PTGS1: variants seen among roughly 807,000 people sequenced by gnomAD.
PTGS1 encodes the protein prostaglandin G/H synthase 1.
Under a neutral mutation model 63.0 loss-of-function variants are expected in PTGS1, and 40 were observed. The observed-to-expected ratio is 0.63, with a 90% CI of 0.49 to 0.83. PTGS1 has a LOEUF of 0.83. Among genes scored for constraint, PTGS1 ranks in the 40% least tolerant of loss-of-function variants. The pLI is 0.00. For synonymous variants in PTGS1, 298 were observed against 301.9 expected (o/e 0.99, Z 0.13); for missense variants, 709 against 786.5 (o/e 0.90, Z 1.18).
chr9:122,384,199 C>T (rs10306155), intron 8 of PTGS1, among the ~76,000 whole-genome samples: 15,596 of 152,078 alleles, frequency 0.1, 1,019 homozygotes, highest in Non-Finnish European at 0.14. Flanking sequence ...ATGTATCTAC[C>T]TTCCTGCAGT....
At chr9:122,383,818 CGG>C in intron 8 of PTGS1, 63 bp downstream of exon 8, 1 of 1,569,022 alleles carries the variant, frequency 6.4e-7, no homozygotes, top group African/African-American at 1.3e-5. Flanking sequence ...AAGTTGGGGG[CGG>C]GGGGGTACTT....
Position 122,390,201 on chromosome 9 carries a change from G to T in PTGS1, c.1300G>T (p.Gly434Cys). 6.2e-7 allele frequency: 1 copy of T among 1,613,632 alleles called. No homozygotes were observed. The highest frequency in any genetic ancestry group is 1.7e-5 in the Admixed American group (1 of 59,980). Reference protein sequence around the residue: ...AFSRQIAGRIGGGRNMDHHIL... With the variant: ...AFSRQIAGRICGGRNMDHHIL... ...TGCTGTGCTTCTCTCTCGGCAGATC[G>T]GTGGGGGCAGGAACATGGACCACCA... The change falls in exon 10 of 11, where the codon GGT becomes TGT. Residue 434 changes from glycine (G) to cysteine (C), a missense_variant. Gly to Cys is a radical substitution (Grantham distance 159). Transcript: ENST00000362012.
chr9:122,378,726 G>C (rs200422444), intron 4 of PTGS1, 49 bp from the exon 5 acceptor site: 45 of 1,610,628 alleles, frequency 2.8e-5, no homozygotes, highest in Non-Finnish European at 3.6e-5. Context: ...AACTGGGATG[G>C]AGCTGGGGGT....
At chr9:122,378,373 C>T in intron 3 of PTGS1, 60 bp from the exon 4 acceptor site, 1 of 1,605,492 alleles carries the variant, frequency 6.2e-7, no homozygotes. Context: ...CATCTTCCAC[C>T]CTGGCTACTT....
rs1298722044 is a variant in PTGS1 at position 122,390,408 on chromosome 9, A to G, written c.1444+63A>G. The G allele has an allele frequency of 1.1e-5, 17 of 1,560,594 alleles. No homozygotes were observed. The Admixed American group carries it at 3.0e-4, about 28-fold the overall frequency. On this transcript the variant is annotated intron_variant, in intron 10 of 10. Coordinates refer to ENST00000362012, the MANE Select transcript of PTGS1 (RefSeq NM_000962.4). ...AGGGACTGGCAGCAAAGTCAGGGAG[A>G]CATCAAGGAAATAGAACGGGACAAT...
Position 122,378,049 on chromosome 9 carries a change from C to T in PTGS1, c.211+34C>T, listed in dbSNP as rs1012467247. On this transcript the variant is annotated intron_variant, in intron 3 of 10. Coordinates refer to ENST00000362012, the MANE Select transcript of PTGS1 (RefSeq NM_000962.4). ...GGCCTTCAGCCCTCACTCCTTCCGT[C>T]TTGAGCCCTTCTGCTCCCCGGGCCC... is the stretch of plus-strand genomic sequence containing the variant. The T allele has an allele frequency of 1.9e-6, 3 of 1,577,360 alleles. No homozygotes were observed. The Admixed American group carries it at 5.0e-5, about 26-fold the overall frequency.
rs1838537269 is a variant in PTGS1 at position 122,395,697 on chromosome 9, A to G, written c.*3153A>G. ...TTAATTTCTAAAAATAAAGCTATAT[A>G]CAGCCATCCTTTGGTATTTGTGGGG... On this transcript the variant is annotated 3_prime_UTR_variant, in exon 11 of 11. Coordinates refer to ENST00000362012, the MANE Select transcript of PTGS1 (RefSeq NM_000962.4). 6.6e-6 allele frequency: 1 copy of G among 152,112 alleles called. No homozygotes were observed. Among genetic ancestry groups the G allele is most frequent in the Admixed American group, 6.5e-5 (1 of 15,278 alleles). The allele number at this position is 152,112 out of a possible 1,614,324, so 9.4% of individuals were successfully genotyped here. A position where few individuals can be genotyped will look rare whatever the true frequency, so the allele number is the denominator to read the frequency against.
Position 122,378,977 on chromosome 9 carries a change from T to G in PTGS1, c.496+59T>G. 1.9e-6 allele frequency: 3 copies of G among 1,594,930 alleles called. No homozygotes were observed. The South Asian group carries it at 3.4e-5, about 18-fold the overall frequency. On this transcript the variant is annotated intron_variant, in intron 5 of 10. Transcript: ENST00000362012. ...ACAGGAGGTGCTCAGTTCTTCTCTT[T>G]GGGAAAAATCAGGCGAAGAACAATT... is the stretch of plus-strand genomic sequence containing the variant.
At chr9:122,375,364 A>G (rs1341522226) in intron 2 of PTGS1, 1 of 985,446 alleles carries the variant, frequency 1.0e-6, no homozygotes, top group African/African-American at 1.7e-5. Context: ...CTCTAGGGCC[A>G]TGGCGGGAGG....
rs768447613 is a variant in PTGS1 at position 122,381,414 on chromosome 9, C to G, written c.540C>G (p.Phe180Leu). 6.2e-7 allele frequency: 1 copy of G among 1,614,168 alleles called. No individual in the cohort carries two copies. Among genetic ancestry groups the G allele is most frequent in the Admixed American group, 1.7e-5 (1 of 60,016 alleles). ...LPDAQLLARR[F>L]LLRRKFIPDP... ...ATGCCCAGCTCCTGGCCCGCCGCTT[C>G]CTGCTCAGGAGGAAGTTCATACCTG... The change falls in exon 6 of 11, where the codon TTC (phenylalanine) becomes TTG (leucine). Residue 180 changes from phenylalanine to leucine, a missense_variant. By Grantham distance (22) the Phe-to-Leu change is conservative. Coordinates refer to ENST00000362012, the MANE Select transcript of PTGS1 (RefSeq NM_000962.4).
intron 2 of PTGS1, chr9:122,371,957 G>C: frequency 1.4e-6 from 1 of 723,862 alleles, no homozygotes; most frequent in Non-Finnish European, 2.3e-6. Flanking sequence ...ACCCACAATG[G>C]ACCCGGAGCC....
intron 2 of PTGS1, among the ~76,000 whole-genome samples, chr9:122,373,512 C>T (rs10306125): frequency 0.099 from 15,114 of 152,162 alleles, 2,401 homozygotes; most frequent in African/African-American, 0.34. Context: ...AAGGCTGTGC[C>T]GGGGGCGCCC....
intron 2 of PTGS1, chr9:122,372,500 T>A (rs1268362919): frequency 6.6e-6 from 1 of 152,228 alleles, no homozygotes; most frequent in Non-Finnish European, 1.5e-5. Context: ...GCCAGAGAGA[T>A]GCGTTAGACC....
chr9:122,384,511 T>C (rs1015121025), intron 8 of PTGS1, among the ~76,000 whole-genome samples: 1 of 152,146 alleles, frequency 6.6e-6, no homozygotes, highest in Non-Finnish European at 1.5e-5. Flanking sequence ...GCAAAGACCT[T>C]GACCTGAGAG....
At chr9:122,379,017 G>A (rs1837357536) in intron 5 of PTGS1, 99 bp downstream of exon 5, 3 of 1,479,496 alleles carry the variant, frequency 2.0e-6, no homozygotes, top group South Asian at 2.6e-5. Flanking sequence ...ACCCAATTCT[G>A]CAGATGGCTA....
In PTGS1 at chr9:122,381,694, C is replaced by T; in HGVS notation, c.709C>T (p.Leu237=). ...CCTCGGCCACATTTATGGAGACAAT[C>T]TGGAGCGTCAGTATCAACTGCGGCT... ...VDLGHIYGDN[L]ERQYQLRLFK... Residue 237 remains leucine (L), a synonymous_variant, in exon 7 of 11, where the codon CTG becomes TTG. Coordinates refer to ENST00000362012, the MANE Select transcript of PTGS1 (RefSeq NM_000962.4). The T allele has an allele frequency of 1.2e-6, 2 of 1,614,182 alleles. No homozygotes were observed. The highest frequency in any genetic ancestry group is 1.7e-6 in the Non-Finnish European group (2 of 1,180,012).
chr9:122,378,654 G>A, intron 4 of PTGS1, 81 bp downstream of exon 4: 3 of 1,607,842 alleles, frequency 1.9e-6, no homozygotes, highest in Admixed American at 3.3e-5. Flanking sequence ...TCTGATAAGG[G>A]TAGTGGGTGG....
At chr9:122,381,898 A>G (rs1837553910) in intron 7 of PTGS1, 151 bp downstream of exon 7, 1 of 787,820 alleles carries the variant, frequency 1.3e-6, no homozygotes, top group Non-Finnish European at 2.0e-6. Flanking sequence ...ATACGCTGGG[A>G]GGAGGCAGCA....
chr9:122,383,774 C>A lies in PTGS1; in HGVS notation c.1009+19C>A. 1 of 1,598,478 alleles carries A rather than the reference C, an allele frequency of 6.3e-7. No homozygotes were observed. Among genetic ancestry groups the A allele is most frequent in the Non-Finnish European group, 8.5e-7 (1 of 1,173,980 alleles). On this transcript the variant is annotated intron_variant, in intron 8 of 10. Transcript: ENST00000362012. ...CTCATAGGTGAGGACTCCAGACCTG[C>A]CCTGCCCTGGAAGGTCATTCCCTCC...
Sources: allele counts gnomAD v4.1 joint callset (sites outside exome capture counted in the v4.1 genomes callset), GRCh38; gene constraint gnomAD v4.1.1; transcripts MANE v1.5; gene names NCBI Gene and HGNC (gene_info 2026-07-23, HGNC 2026-07-21).